Variants in KDELR2 observed in about 807,000 individuals in gnomAD.
The protein encoded by KDELR2 is ER lumen protein-retaining receptor 2.
In KDELR2, 15 loss-of-function variants were observed where a neutral mutation model predicts 23.9. The observed-to-expected ratio is 0.63, with a 90% confidence interval of 0.42 to 0.97. The LOEUF (loss-of-function observed/expected upper bound fraction) is 0.97. KDELR2 is among the 50% of genes least tolerant of loss of function. The pLI is 0.00. For missense variants in KDELR2, 272 were observed against 254.6 expected, an observed-to-expected ratio of 1.07 and a Z score of -0.46; for synonymous variants, 119 against 106.2, an observed-to-expected ratio of 1.12 and a Z score of -0.74.
rs1158786551 is a variant in KDELR2, at chr7:6,461,112, C to T, written c.*2029G>A. 6.6e-6 allele frequency: 1 copy of T among 152,118 alleles called. No individual in the cohort carries two copies. The highest frequency in any genetic ancestry group is 1.5e-5 in the Non-Finnish European group (1 of 68,016). The allele number at this position is 152,118 out of a possible 1,614,324, so 9.4% of individuals were successfully genotyped here. On this transcript the variant is annotated 3_prime_UTR_variant, in exon 5 of 5. Transcript: ENST00000258739. ...TATTAATTACCTGGTAACCTTTATTCGGGAAGTGAAAGTAACTGTGAAACA... is the reference window on the plus strand; with the variant it reads ...TATTAATTACCTGGTAACCTTTATTTGGGAAGTGAAAGTAACTGTGAAACA...
intron 1 of KDELR2, among the ~76,000 whole-genome samples, chr7:6,480,426 T>C (rs1785866670): frequency 6.6e-6 from 1 of 152,178 alleles, no homozygotes; most frequent in African/African-American, 2.4e-5. Flanking sequence ...CATTCCATGT[T>C]GACACCCTTC....
rs1290843794 is a variant in KDELR2, at chr7:6,464,606, C to T, written c.605-1431G>A. Among the ~76,000 whole-genome samples the T allele has an allele frequency of 2.6e-5, 4 of 152,038 alleles. No homozygotes were observed. The East Asian group carries it at 7.7e-4, about 29-fold the overall frequency. On this transcript the variant is annotated intron_variant, in intron 4 of 4. Coordinates refer to ENST00000258739, the MANE Select transcript of KDELR2 (RefSeq NM_006854.4). Reference sequence around the variant, plus strand: ...ACTCGGGAGGCTGAGACAGCAGACTCGCTTGAACTTGGGAGGCAGAGGTTG... The same window carrying T: ...ACTCGGGAGGCTGAGACAGCAGACTTGCTTGAACTTGGGAGGCAGAGGTTG...
At position 6,472,881 on chromosome 7, in the gene KDELR2, C is replaced by T. The variant is rs147509191; in HGVS notation, c.192+1303G>A. Among the ~76,000 whole-genome samples, 914 of 148,816 alleles carry T rather than the reference C, an allele frequency of 6.1e-3. 7 individuals are homozygous for T. The highest frequency in any genetic ancestry group is 0.01 in the Middle Eastern group (3 of 290). On this transcript the variant is annotated intron_variant, in intron 2 of 4. Coordinates refer to ENST00000258739, the MANE Select transcript of KDELR2 (RefSeq NM_006854.4). ...AAGAAATCAGACTCCTATTACATAT[C>T]CTGAGAGCCCCTGTTCTTTTTTTTT...
rs762418253 is a variant in KDELR2, at chr7:6,461,895, T to A, written c.*1246A>T. The A allele has an allele frequency of 3.3e-5, 5 of 152,124 alleles. No homozygotes were observed. Among genetic ancestry groups the A allele is most frequent in the Non-Finnish European group, 7.4e-5 (5 of 68,024 alleles). The allele number at this position is 152,124 out of a possible 1,614,324, so 9.4% of individuals were successfully genotyped here. ...AATTCTAGTATTTCCACAAAATACA[T>A]AATGTCTTACAGATGATTATGTGAA... On this transcript the variant is annotated 3_prime_UTR_variant, in exon 5 of 5. Transcript: ENST00000258739.
At chr7:6,476,691 A>G (rs1785762953) in intron 1 of KDELR2, among the ~76,000 whole-genome samples, 1 of 152,158 alleles carries the variant, frequency 6.6e-6, no homozygotes, top group Non-Finnish European at 1.5e-5. Context: ...GTGGGGACCC[A>G]GCTCATATCC....
rs746374835 is a variant in KDELR2, at chr7:6,462,293, A to G, written c.*848T>C. On this transcript the variant is annotated 3_prime_UTR_variant, in exon 5 of 5. Transcript: ENST00000258739. ...TAGTCATCTTTTGGAATTATAAGTG[A>G]AAGTGATAGGTAACTCCTTGTGTTC... 21 of 152,338 alleles carry G rather than the reference A, an allele frequency of 1.4e-4. No homozygotes were observed. Among genetic ancestry groups the G allele is most frequent in the Non-Finnish European group, 2.2e-4 (15 of 68,034 alleles). 9.4% of individuals were successfully genotyped at this position (152,338 alleles called of 1,614,324 possible).
chr7:6,474,134 A>G (rs772610201), intron 2 of KDELR2, 50 bp downstream of exon 2: 2 of 1,071,442 alleles, frequency 1.9e-6, no homozygotes, highest in East Asian at 2.4e-5. Flanking sequence ...AAGTGTCCAT[A>G]GACCTGTGCA....
In KDELR2 at chr7:6,469,610, A is replaced by G. The variant is rs1489868715; in HGVS notation, c.337T>C (p.Phe113Leu). 5 of 1,613,866 alleles carry G rather than the reference A, an allele frequency of 3.1e-6. No individual in the cohort carries two copies. The highest frequency in any genetic ancestry group is 1.7e-5 in the Admixed American group (1 of 59,964). Residue 113 changes from phenylalanine (F) to leucine (L), a missense_variant, in exon 3 of 5, where the codon TTC becomes CTC. By Grantham distance (22) the Phe-to-Leu change is conservative. Coordinates refer to ENST00000258739, the MANE Select transcript of KDELR2 (RefSeq NM_006854.4). ...GGLSFLVNHD[F>L]SPLEILWTFS... is the part of the protein sequence containing the mutation. Reference sequence around the variant, plus strand: ...TTTAAACTAACCTCAAGAGGAGAGAAATCGTGATTAACTAAAAATGAGAGG... The same window carrying G: ...TTTAAACTAACCTCAAGAGGAGAGAGATCGTGATTAACTAAAAATGAGAGG...
chr7:6,468,393 G>C (rs942542942), intron 3 of KDELR2, among the ~76,000 whole-genome samples: 2 of 152,134 alleles, frequency 1.3e-5, no homozygotes, highest in African/African-American at 2.4e-5. Flanking sequence ...GCAGTGGCTC[G>C]ATCTCGGCTC....
rs73674111 is a variant in KDELR2 at position 6,466,007 on chromosome 7, T to C, written c.604+64A>G. 3.6e-4 allele frequency: 564 copies of C among 1,558,798 alleles called. 4 individuals carry two copies. The African/African-American group carries it at 6.9e-3, about 19-fold the overall frequency. On this transcript the variant is annotated intron_variant, in intron 4 of 4. Transcript: ENST00000258739. The stretch of plus-strand genomic sequence containing the variant: ...AGAGAGTGCCAGATTAGAAGAGTGC[T>C]GGGCAAGGGCACTCCTAAAAGAACA...
chr7:6,462,925 A>G lies in KDELR2; in HGVS notation c.*216T>C. 6.6e-7 allele frequency: 1 copy of G among 1,514,566 alleles called. No individual in the cohort carries two copies. The highest frequency in any genetic ancestry group is 8.9e-7 in the Non-Finnish European group (1 of 1,119,116). 93.8% of individuals were successfully genotyped at this position (1,514,566 alleles called of 1,614,324 possible). Reference sequence around the variant, plus strand: ...GCATTAAGTTTCTTTGTGTAAAAAAATCTTTGTACACAGTAATAAAAAAAG... The same window carrying G: ...GCATTAAGTTTCTTTGTGTAAAAAAGTCTTTGTACACAGTAATAAAAAAAG... On this transcript the variant is annotated 3_prime_UTR_variant, in exon 5 of 5. Coordinates refer to ENST00000258739, the MANE Select transcript of KDELR2 (RefSeq NM_006854.4).
At chr7:6,471,212 C>T (rs1359633114) in intron 2 of KDELR2, among the ~76,000 whole-genome samples, 5 of 108,970 alleles carry the variant, frequency 4.6e-5, no homozygotes, top group Admixed American at 1.2e-4. Context: ...GATGGAGTCT[C>T]GCTCTGTCGC....
Position 6,461,727 on chromosome 7 carries a change from C to T in KDELR2, c.*1414G>A. On this transcript the variant is annotated 3_prime_UTR_variant, in exon 5 of 5. Transcript: ENST00000258739. ...CAGAAGACGTTGTAATGCAGAAAGC[C>T]AAAATACTACATCCTTCTTGTAGTC... 6.6e-6 allele frequency: 1 copy of T among 151,224 alleles called. No individual in the cohort carries two copies. The highest frequency in any genetic ancestry group is 2.1e-4 in the South Asian group (1 of 4,790). The allele number at this position is 151,224 out of a possible 1,614,324, so 9.4% of individuals were successfully genotyped here. A position where few individuals can be genotyped will look rare whatever the true frequency, so the allele number is the denominator to read the frequency against.
rs1785398491 is a variant in KDELR2 at position 6,462,030 on chromosome 7, G to C, written c.*1111C>G. On this transcript the variant is annotated 3_prime_UTR_variant, in exon 5 of 5. Transcript: ENST00000258739. The stretch of plus-strand genomic sequence containing the variant: ...TTCATAAAAAGACAATTTATTCCAT[G>C]TTTAATATAGTGTTTTTTAGGATGG... 4 of 152,042 alleles carry C rather than the reference G, an allele frequency of 2.6e-5. No homozygotes were observed. Among genetic ancestry groups the C allele is most frequent in the African/African-American group, 9.7e-5 (4 of 41,410 alleles). The allele number at this position is 152,042 out of a possible 1,614,324, so 9.4% of individuals were successfully genotyped here.
intron 2 of KDELR2, among the ~76,000 whole-genome samples, chr7:6,473,536 A>C (rs1005887015): frequency 2.0e-5 from 3 of 152,052 alleles, no homozygotes; most frequent in Admixed American, 1.3e-4. Context: ...CACTAGTTTT[A>C]ATGTGAATTA....
intron 2 of KDELR2, chr7:6,473,967 T>G: frequency 2.5e-6 from 1 of 395,886 alleles, no homozygotes; most frequent in South Asian, 6.6e-5. Flanking sequence ...GTATTTTAAT[T>G]AACTACTGTT....
chr7:6,470,290 G>A (rs116938236), intron 2 of KDELR2: 3,438 of 152,436 alleles, frequency 0.023, 62 homozygotes, highest in Middle Eastern at 0.041. Context: ...CCGAGTCCAC[G>A]TGGGTCTTCT....
intron 1 of KDELR2, among the ~76,000 whole-genome samples, chr7:6,477,492 G>A (rs540570857): frequency 6.6e-6 from 1 of 152,286 alleles, no homozygotes; most frequent in African/African-American, 2.4e-5. Flanking sequence ...AGGTTACCAG[G>A]TAATAAGATC....
At chr7:6,481,697 G>T (rs984322919) in intron 1 of KDELR2, among the ~76,000 whole-genome samples, 1 of 152,042 alleles carries the variant, frequency 6.6e-6, no homozygotes, top group African/African-American at 2.4e-5. Flanking sequence ...TCCAGCCTGG[G>T]GGACAGAGTG....
Sources: allele counts gnomAD v4.1 joint callset (sites outside exome capture counted in the v4.1 genomes callset), GRCh38; gene constraint gnomAD v4.1.1; transcripts MANE v1.5; gene names NCBI Gene and HGNC (gene_info 2026-07-23, HGNC 2026-07-21).